SPIDR: variants seen among roughly 807,000 people sequenced by gnomAD.
The protein encoded by SPIDR is DNA repair-scaffolding protein.
Under a neutral mutation model 104.6 loss-of-function variants are expected in SPIDR, and 93 were observed. The observed-to-expected ratio is 0.89, with a 90% CI of 0.75 to 1.06. SPIDR has a LOEUF of 1.06. SPIDR is among the 50% of genes least tolerant of loss of function. The pLI is 0.00. For missense variants in SPIDR, 1,154 were observed against 1,111.2 expected (o/e 1.04, Z -0.55); for synonymous variants, 431 against 416.9 (o/e 1.03, Z -0.41).
chr8:47,489,874 T>C (rs924026019), intron 8 of SPIDR, among the ~76,000 whole-genome samples: 1 of 152,022 alleles, frequency 6.6e-6, no homozygotes, highest in African/African-American at 2.4e-5. Flanking sequence ...AAGACTTAAA[T>C]GTTAGACCTA....
At chr8:47,272,627 G>C (rs1424118374) in intron 1 of SPIDR, among the ~76,000 whole-genome samples, 2 of 152,310 alleles carry the variant, frequency 1.3e-5, no homozygotes, top group South Asian at 4.1e-4. Flanking sequence ...AGCGCCTCGA[G>C]ATGATCCAGA....
intron 10 of SPIDR, among the ~76,000 whole-genome samples, chr8:47,658,126 T>C (rs755390927): frequency 2.0e-5 from 3 of 151,648 alleles, no homozygotes; most frequent in Non-Finnish European, 4.4e-5. Flanking sequence ...TATCAAATTA[T>C]ACGACGTCTT....
At chr8:47,450,582 A>T (rs2071531794) in intron 8 of SPIDR, among the ~76,000 whole-genome samples, 1 of 152,240 alleles carries the variant, frequency 6.6e-6, no homozygotes, top group Admixed American at 6.5e-5. Flanking sequence ...GTATTGTAGG[A>T]CTGCTCAGAG....
At chr8:47,498,640 C>A (rs570525799) in intron 8 of SPIDR, among the ~76,000 whole-genome samples, 1 of 152,154 alleles carries the variant, frequency 6.6e-6, no homozygotes, top group South Asian at 2.1e-4. Context: ...GTGCTATTTT[C>A]TGGGCTTTTC....
chr8:47,332,852 T>G (rs947910234), intron 5 of SPIDR, among the ~76,000 whole-genome samples: 2 of 119,376 alleles, frequency 1.7e-5, no homozygotes, highest in Non-Finnish European at 3.4e-5. Context: ...GGGTTGTTTG[T>G]TTTTTTCTTG....
intron 8 of SPIDR, among the ~76,000 whole-genome samples, chr8:47,506,004 TAAAC>T: frequency 6.6e-6 from 1 of 152,242 alleles, no homozygotes; most frequent in East Asian, 1.9e-4. Context: ...TTCTGAATCT[TAAAC>T]TATAAAATGG....
chr8:47,487,901 C>G (rs1362690330), intron 8 of SPIDR, among the ~76,000 whole-genome samples: 1 of 152,060 alleles, frequency 6.6e-6, no homozygotes, highest in Non-Finnish European at 1.5e-5. Context: ...CAAGAGAAAG[C>G]AGGAAAGATC....
intron 8 of SPIDR, among the ~76,000 whole-genome samples, chr8:47,465,905 C>T (rs879992836): frequency 4.6e-5 from 7 of 151,848 alleles, no homozygotes; most frequent in African/African-American, 1.2e-4. Context: ...ACTAAACCGA[C>T]GAAGATCAAA....
At chr8:47,342,073 A>G (rs1264694342) in intron 5 of SPIDR, among the ~76,000 whole-genome samples, 1 of 152,198 alleles carries the variant, frequency 6.6e-6, no homozygotes, top group African/African-American at 2.4e-5. Context: ...ATTTAAGGAA[A>G]CTGTTAAAGA....
chr8:47,684,032 A>C (rs187317532), intron 11 of SPIDR, among the ~76,000 whole-genome samples: 5 of 147,534 alleles, frequency 3.4e-5, no homozygotes, highest in East Asian at 4.2e-4. Context: ...AGGCTGAGGC[A>C]GGGAGAATTA....
intron 8 of SPIDR, among the ~76,000 whole-genome samples, chr8:47,553,233 A>G (rs1293049235): frequency 6.6e-6 from 1 of 152,014 alleles, no homozygotes; most frequent in Admixed American, 6.6e-5. Context: ...TCTGACAATT[A>G]TGTGTCTTGG....
chr8:47,360,853 T>C (rs955466990), intron 5 of SPIDR: 1 of 985,458 alleles, frequency 1.0e-6, no homozygotes, highest in South Asian at 4.7e-5. Context: ...TTTTCAGCCT[T>C]CTTCTTGGAC....
intron 7 of SPIDR, among the ~76,000 whole-genome samples, chr8:47,437,230 G>GCTATCC (rs2068501175): frequency 6.7e-6 from 1 of 149,434 alleles, no homozygotes; most frequent in East Asian, 2.0e-4. Flanking sequence ...ATTTCCCAAT[G>GCTATCC]CTATCCCTCC....
At chr8:47,402,075 T>A (rs142354110) in intron 6 of SPIDR, among the ~76,000 whole-genome samples, 4,691 of 152,220 alleles carry the variant, frequency 0.031, 192 homozygotes, top group African/African-American at 0.1. Context: ...ATTCACCACA[T>A]AGTTGGAAGT....
intron 5 of SPIDR, among the ~76,000 whole-genome samples, chr8:47,383,241 T>C (rs1475848800): frequency 6.6e-6 from 1 of 152,228 alleles, no homozygotes; most frequent in African/African-American, 2.4e-5. Flanking sequence ...CCAAATAGTA[T>C]TTTATTTCTT....
At chr8:47,317,117 G>A (rs1218563038) in intron 5 of SPIDR, among the ~76,000 whole-genome samples, 2 of 152,112 alleles carry the variant, frequency 1.3e-5, no homozygotes, top group Non-Finnish European at 2.9e-5. Flanking sequence ...AGGACAGTGG[G>A]TACAGTGCAC....
chr8:47,538,844 CCTTTTTTCTTTT>C (rs2087474464), intron 8 of SPIDR, among the ~76,000 whole-genome samples: 1 of 148,760 alleles, frequency 6.7e-6, no homozygotes, highest in African/African-American at 2.5e-5. Flanking sequence ...TTTGGTTTTG[CCTTTTTTCTTTT>C]CTTTTTTTTT....
intron 8 of SPIDR, among the ~76,000 whole-genome samples, chr8:47,471,210 G>C (rs1240790330): frequency 6.6e-6 from 1 of 151,112 alleles, no homozygotes; most frequent in Non-Finnish European, 1.5e-5. Context: ...CTGCATCAAA[G>C]AACACTGTCA....
intron 8 of SPIDR, among the ~76,000 whole-genome samples, chr8:47,468,334 A>G (rs1554718886): frequency 6.6e-6 from 1 of 152,210 alleles, no homozygotes; most frequent in Non-Finnish European, 1.5e-5. Flanking sequence ...GACATTTTTC[A>G]CTTAACTAAT....
Sources: gnomAD v4.1 joint callset for allele counts (sites outside exome capture counted in the v4.1 genomes callset) on GRCh38, gnomAD v4.1.1 for gene constraint, MANE v1.5 for transcripts, NCBI Gene and HGNC (gene_info 2026-07-23, HGNC 2026-07-21) for gene names.